The following LONP1 variants were observed in gnomAD, a reference collection of about 807,000 sequenced individuals.
LONP1 encodes lon peptidase 1, mitochondrial.
In LONP1, 31 loss-of-function variants were observed where a neutral mutation model predicts 98.5. The ratio of observed to expected loss-of-function variants is 0.31; its 90% CI spans 0.24 to 0.42. LONP1 has a LOEUF of 0.42. Among genes scored for constraint, LONP1 ranks in the 20% least tolerant of loss-of-function variants. LONP1 has a pLI of 1.00. For synonymous variants in LONP1, 781 were observed against 594.7 expected (o/e 1.31, Z -4.56); for missense variants, 1,336 against 1,350.6 (o/e 0.99, Z 0.17).
chr19:5,709,264 G>A (rs1011583801), intron 4 of LONP1, among the ~76,000 whole-genome samples: 2 of 151,812 alleles, frequency 1.3e-5, no homozygotes, highest in African/African-American at 2.4e-5. Flanking sequence ...AGAGTTAGGT[G>A]GGTCACTTGA....
Position 5,707,700 on chromosome 19 carries a change from G to A in LONP1, c.1059C>T (p.Thr353=). The change falls in exon 6 of 18, where the codon ACC becomes ACT. Residue 353 remains threonine, a synonymous_variant. Transcript: ENST00000360614. ...TGTGGAGGTGACGAGCACTCACATTGGTCTCTTCCAGGACGTCCTGCAGCT... is the reference window on the plus strand; with the variant it reads ...TGTGGAGGTGACGAGCACTCACATTAGTCTCTTCCAGGACGTCCTGCAGCT... ...SHELQDVLEE[T]NIPKRLYKAL... 2.5e-6 allele frequency: 4 copies of A among 1,609,844 alleles called. No homozygotes were observed. The highest frequency in any genetic ancestry group is 3.4e-6 in the Non-Finnish European group (4 of 1,177,228).
chr19:5,695,660 G>A (rs1315510828), intron 13 of LONP1, among the ~76,000 whole-genome samples: 1 of 152,088 alleles, frequency 6.6e-6, no homozygotes, highest in East Asian at 1.9e-4. Flanking sequence ...GCCCCTGCAT[G>A]CTCCTCACTG....
chr19:5,706,407 A>G (rs2055146188), intron 7 of LONP1, among the ~76,000 whole-genome samples: 1 of 152,078 alleles, frequency 6.6e-6, no homozygotes, highest in Non-Finnish European at 1.5e-5. Context: ...CCAGGAGTTC[A>G]AGACCAGCCT....
At position 5,702,880 on chromosome 19, in the gene LONP1, C is replaced by T. The variant is rs564835444; in HGVS notation, c.1368-1953G>A. Among the ~76,000 whole-genome samples the T allele has an allele frequency of 1.3e-4, 19 of 151,092 alleles. No homozygotes were observed. The South Asian group carries it at 2.5e-3, about 20-fold the overall frequency. ...CAAGTACCCAGGGACACAAACACTG[C>T]GGAAGGCCGCAGGGTCCTCTGCCTA... On this transcript the variant is annotated intron_variant, in intron 8 of 17. Transcript: ENST00000360614.
chr19:5,716,272 A>G (rs1368734643), intron 1 of LONP1, among the ~76,000 whole-genome samples: 6 of 66,074 alleles, frequency 9.1e-5, no homozygotes, highest in African/African-American at 3.7e-4. Context: ...ATATATATAT[A>G]TATATATATA....
At chr19:5,692,291 C>CT in intron 17 of LONP1, 83 bp from the exon 18 acceptor site, 1 of 1,388,786 alleles carries the variant, frequency 7.2e-7, no homozygotes, top group African/African-American at 1.4e-5. Flanking sequence ...AAAGGGCTTC[C>CT]TGGGGACCGG....
chr19:5,702,991 G>A (rs1198838967), intron 8 of LONP1, among the ~76,000 whole-genome samples: 17 of 148,052 alleles, frequency 1.1e-4, no homozygotes, highest in South Asian at 2.2e-4. Flanking sequence ...CCCCCTCTGC[G>A]AGAAACACCC....
chr19:5,696,282 G>C lies in LONP1; in HGVS notation c.1863C>G (p.Asp621Glu), dbSNP rs1453642346. 1 of 1,613,440 alleles carries C rather than the reference G, an allele frequency of 6.2e-7. No homozygotes were observed. The highest frequency in any genetic ancestry group is 8.5e-7 in the Non-Finnish European group (1 of 1,179,900). Residue 621 changes from aspartate (D) to glutamate (E), a missense_variant, in exon 12 of 18, where the codon GAC (aspartate) becomes GAG (glutamate). Physicochemically the swap from Asp to Glu is conservative, Grantham distance 45 (BLOSUM62 2). Around this residue, in one of 5 missense-constraint regions of LONP1, gnomAD observed 555 missense variants for 542.6 expected, o/e 1.02. Coordinates refer to ENST00000360614, the MANE Select transcript of LONP1 (RefSeq NM_004793.4). ...AGTCCACGGGCACGTCCAGGTAGTG[G>C]TCCAGGAAGTTGGCATTCTGCTCTG... ...LDPEQNANFL[D>E]HYLDVPVDLS...
intron 10 of LONP1, among the ~76,000 whole-genome samples, chr19:5,698,510 T>C (rs1335621574): frequency 6.6e-6 from 1 of 152,202 alleles, no homozygotes; most frequent in Non-Finnish European, 1.5e-5. Flanking sequence ...TGGCCCCTGC[T>C]TCTGGGCCTG....
chr19:5,701,377 G>C (rs986448529), intron 8 of LONP1, among the ~76,000 whole-genome samples: 1 of 152,026 alleles, frequency 6.6e-6, no homozygotes, highest in African/African-American at 2.4e-5. Context: ...TCCCTCTGAT[G>C]CCGAGCCGAG....
intron 1 of LONP1, among the ~76,000 whole-genome samples, chr19:5,716,832 C>T (rs551160659): frequency 1.3e-4 from 20 of 152,284 alleles, no homozygotes; most frequent in Admixed American, 5.9e-4. Context: ...CTTGCTCTGT[C>T]GCCCAGGCTA....
chr19:5,692,105 A>G lies in LONP1; in HGVS notation c.2807T>C (p.Val936Ala). ...GTCGAAGATCTCCCGGTAGTGTTCC[A>G]CGAAGTGCACCTCCAGGCCCTCGGT... The part of the protein sequence containing the change: ...FITEGLEVHF[V>A]EHYREIFDIA... The change falls in exon 18 of 18, where the codon GTG becomes GCG. Residue 936 changes from valine (V) to alanine (A), a missense_variant. Physicochemically the swap from Val to Ala is moderately conservative, Grantham distance 64. Around this residue, in one of 5 missense-constraint regions of LONP1, gnomAD observed 555 missense variants for 542.6 expected, o/e 1.02. Coordinates refer to ENST00000360614, the MANE Select transcript of LONP1 (RefSeq NM_004793.4). 6.2e-7 allele frequency: 1 copy of G among 1,604,240 alleles called. No individual in the cohort carries two copies. The highest frequency in any genetic ancestry group is 8.5e-7 in the Non-Finnish European group (1 of 1,173,754).
At chr19:5,700,996 C>G (rs1599458497) in intron 8 of LONP1, 69 bp from the exon 9 acceptor site, 2 of 1,590,336 alleles carry the variant, frequency 1.3e-6, no homozygotes, top group Non-Finnish European at 1.7e-6. Context: ...CTGGACTTGG[C>G]TGGGTGGTTG....
At chr19:5,713,041 G>T in intron 3 of LONP1, 93 bp downstream of exon 3, 1 of 1,562,720 alleles carries the variant, frequency 6.4e-7, no homozygotes. Flanking sequence ...TGACGGACAG[G>T]GCAGAGGCTG....
chr19:5,718,377 C>T (rs2055357057), intron 1 of LONP1, among the ~76,000 whole-genome samples: 1 of 151,498 alleles, frequency 6.6e-6, no homozygotes, highest in Non-Finnish European at 1.5e-5. Flanking sequence ...ACTCAGGGGG[C>T]TGAGGCAGGA....
intron 15 of LONP1, 78 bp from the exon 16 acceptor site, chr19:5,693,847 C>G (rs897384582): frequency 8.4e-7 from 1 of 1,190,628 alleles, no homozygotes. Context: ...CGGGGCCACT[C>G]TGACCGCTCC....
In LONP1 at chr19:5,699,038, G is replaced by C; in HGVS notation, c.1674C>G (p.Ile558Met). Reference protein sequence around the residue: ...SVGGMTDVAEIKGHRRTYVGA... With the variant: ...SVGGMTDVAEMKGHRRTYVGA... ...CAGGCCAGGCCTACCTGTGGCCCTT[G>C]ATCTCAGCCACGTCAGTCATGCCCC... is the stretch of plus-strand genomic sequence containing the variant. Residue 558 changes from isoleucine (I) to methionine (M), a missense_variant, in exon 10 of 18, where the codon ATC (isoleucine) becomes ATG (methionine). Physicochemically the swap from Ile to Met is conservative, Grantham distance 10. This residue lies in a region of LONP1 where 219 missense variants were observed against 241.0 expected (regional missense o/e 0.91). Transcript: ENST00000360614. 1 of 1,607,732 alleles carries C rather than the reference G, an allele frequency of 6.2e-7. No homozygotes were observed. Among genetic ancestry groups the C allele is most frequent in the Non-Finnish European group, 8.5e-7 (1 of 1,176,608 alleles).
chr19:5,703,641 C>G (rs556111417), intron 8 of LONP1, among the ~76,000 whole-genome samples: 1 of 151,538 alleles, frequency 6.6e-6, no homozygotes, highest in African/African-American at 2.4e-5. Context: ...CGAGACGCAC[C>G]GGGACAGGCC....
chr19:5,718,675 T>C (rs575319547), intron 1 of LONP1, among the ~76,000 whole-genome samples: 3 of 151,774 alleles, frequency 2.0e-5, no homozygotes, highest in African/African-American at 4.8e-5. Flanking sequence ...AACCTTCCCA[T>C]AGATGCCACT....
Sources: allele counts gnomAD v4.1 joint callset (sites outside exome capture counted in the v4.1 genomes callset), GRCh38; gene constraint gnomAD v4.1.1; regional missense constraint gnomAD v4.1.1; transcripts MANE v1.5; gene names NCBI Gene and HGNC (gene_info 2026-07-23, HGNC 2026-07-21).